GRM5: variants seen among roughly 807,000 people sequenced by gnomAD.
The protein encoded by GRM5 is glutamate metabotropic receptor 5, also known as metabotropic glutamate receptor 5.
In GRM5, 19 loss-of-function variants were observed where a neutral mutation model predicts 83.1. That is an observed-to-expected ratio of 0.23 (90% CI 0.16 to 0.34). The LOEUF (loss-of-function observed/expected upper bound fraction) is 0.34, where lower values mean the gene tolerates loss of function less well. Among genes scored for constraint, GRM5 ranks in the 10% least tolerant of loss-of-function variants. GRM5 has a pLI of 1.00. For missense variants in GRM5, 1,160 were observed against 1,588.3 expected, an observed-to-expected ratio of 0.73 and a Z score of 4.58; for synonymous variants, 675 against 633.6, an observed-to-expected ratio of 1.07 and a Z score of -0.98.
chr11:88,881,970 G>A (rs914206599), intron 2 of GRM5, among the ~76,000 whole-genome samples: 2 of 152,096 alleles, frequency 1.3e-5, no homozygotes, highest in Non-Finnish European at 2.9e-5. Flanking sequence ...TGCTGGGCAC[G>A]TTGGCTCACA....
intron 3 of GRM5, among the ~76,000 whole-genome samples, chr11:88,820,686 G>A (rs1476790176): frequency 6.6e-6 from 1 of 152,142 alleles, no homozygotes; most frequent in Admixed American, 6.5e-5. Flanking sequence ...AGGAAATAAT[G>A]TATACAAAAT....
intron 9 of GRM5, 129 bp downstream of exon 9, chr11:88,525,180 T>C (rs569026842): frequency 1.5e-6 from 1 of 662,718 alleles, no homozygotes; most frequent in African/African-American, 1.8e-5. Flanking sequence ...AGAAAACCAG[T>C]AGTAGCCTGG....
intron 2 of GRM5, among the ~76,000 whole-genome samples, chr11:88,929,669 C>A (rs1424487943): frequency 2.0e-5 from 3 of 151,982 alleles, no homozygotes; most frequent in Non-Finnish European, 4.4e-5. Flanking sequence ...GTCAATGAGA[C>A]CCCCAAATTC....
intron 5 of GRM5, among the ~76,000 whole-genome samples, chr11:88,603,931 A>T (rs1264442011): frequency 1.3e-5 from 2 of 152,146 alleles, no homozygotes; most frequent in African/African-American, 4.8e-5. Context: ...AGACCAAAGG[A>T]CCCTATTGTT....
intron 3 of GRM5, among the ~76,000 whole-genome samples, chr11:88,727,742 C>G (rs996391120): frequency 1.3e-5 from 2 of 152,182 alleles, no homozygotes; most frequent in African/African-American, 4.8e-5. Context: ...CAAAACCACA[C>G]AACTACATGG....
At chr11:88,966,953 T>C (rs1425683396) in intron 2 of GRM5, among the ~76,000 whole-genome samples, 1 of 152,086 alleles carries the variant, frequency 6.6e-6, no homozygotes, top group Admixed American at 6.6e-5. Context: ...TTTTCCACCA[T>C]CTTTCAAAGC....
In GRM5 at chr11:89,025,855, T is replaced by C. The variant is rs1343784561; in HGVS notation, c.661+21357A>G. Among the ~76,000 whole-genome samples, 5 of 152,190 alleles carry C rather than the reference T, an allele frequency of 3.3e-5. No homozygotes were observed. The East Asian group carries it at 7.7e-4, about 23-fold the overall frequency. On this transcript the variant is annotated intron_variant, in intron 2 of 9. Coordinates refer to ENST00000305447, the MANE Select transcript of GRM5 (RefSeq NM_001143831.3). ...GGTTATACAACCAAAGGAATATAAA[T>C]TGTTTTAACATAAAGATACATTCAT...
chr11:88,929,133 A>G (rs1204427856), intron 2 of GRM5, among the ~76,000 whole-genome samples: 1 of 152,054 alleles, frequency 6.6e-6, no homozygotes, highest in African/African-American at 2.4e-5. Flanking sequence ...GTTGCTCAAA[A>G]ATTAGAGCCT....
chr11:88,658,436 T>A (rs553240885), intron 3 of GRM5, among the ~76,000 whole-genome samples: 2 of 152,276 alleles, frequency 1.3e-5, no homozygotes, highest in South Asian at 4.1e-4. Context: ...CAGTGTATAT[T>A]TTGAAGAAAA....
chr11:88,677,328 T>C (rs1320828004), intron 3 of GRM5, among the ~76,000 whole-genome samples: 1 of 152,152 alleles, frequency 6.6e-6, no homozygotes, highest in Admixed American at 6.6e-5. Flanking sequence ...CTTGTCTCTG[T>C]CAACCAGAGT....
chr11:89,061,427 A>G (rs537989027), intron 1 of GRM5, among the ~76,000 whole-genome samples: 4 of 152,346 alleles, frequency 2.6e-5, no homozygotes, highest in African/African-American at 9.6e-5. Flanking sequence ...TAAGACTCCT[A>G]TAAAATATTA....
chr11:89,016,556 T>A (rs1017184510), intron 2 of GRM5, among the ~76,000 whole-genome samples: 2 of 152,170 alleles, frequency 1.3e-5, no homozygotes, highest in African/African-American at 4.8e-5. Flanking sequence ...TGTCTGTTGT[T>A]ATTTAAGTGT....
At chr11:88,915,975 A>T (rs1945583811) in intron 2 of GRM5, among the ~76,000 whole-genome samples, 1 of 152,208 alleles carries the variant, frequency 6.6e-6, no homozygotes, top group Non-Finnish European at 1.5e-5. Flanking sequence ...ATAGTCAAAC[A>T]ATCCTGAAAG....
intron 3 of GRM5, among the ~76,000 whole-genome samples, chr11:88,828,479 A>G (rs1311142695): frequency 6.6e-6 from 1 of 152,164 alleles, no homozygotes; most frequent in African/African-American, 2.4e-5. Context: ...AGGACCCAGG[A>G]TCATGACAGG....
At position 88,567,525 on chromosome 11, in the gene GRM5, T is replaced by C. The variant is rs1259654572; in HGVS notation, c.2158A>G (p.Met720Val). The change falls in exon 8 of 10, where the codon ATG (methionine) becomes GTG (valine). Residue 720 changes from methionine to valine, a missense_variant. Met to Val is a conservative substitution (Grantham distance 21). Coordinates refer to ENST00000305447, the MANE Select transcript of GRM5 (RefSeq NM_001143831.3). The surrounding 1 kb of genome is among the most constrained non-coding windows in gnomAD (Gnocchi z 7.3). ...ALFIMEPPDI[M>V]HDYPSIREVY... ...TCTCGAATGCTTGGGTAGTCATGCA[T>C]TATGTCAGGAGGCTCCATTATAAAG... The C allele has an allele frequency of 2.5e-6, 4 of 1,613,936 alleles. No homozygotes were observed. The highest frequency in any genetic ancestry group is 1.7e-5 in the Admixed American group (1 of 60,012).
chr11:88,558,825 A>AAAG (rs398038280), intron 8 of GRM5, among the ~76,000 whole-genome samples: 1 of 147,182 alleles, frequency 6.8e-6, no homozygotes, highest in African/African-American at 2.6e-5. Flanking sequence ...AAAAAAAAAA[A>AAAG]TACAACAAAC....
chr11:88,800,925 C>G (rs1943381076), intron 3 of GRM5, among the ~76,000 whole-genome samples: 1 of 152,078 alleles, frequency 6.6e-6, no homozygotes, highest in Admixed American at 6.6e-5. Context: ...GGCTTTTAAA[C>G]AGGGTCTAGC....
At chr11:88,988,238 T>G (rs1208391120) in intron 2 of GRM5, among the ~76,000 whole-genome samples, 3 of 151,934 alleles carry the variant, frequency 2.0e-5, no homozygotes, top group Non-Finnish European at 2.9e-5. Flanking sequence ...GCCGATGCAA[T>G]CAACTGGAAG....
chr11:88,817,352 T>TC (rs1184264234), intron 3 of GRM5, among the ~76,000 whole-genome samples: 1 of 152,046 alleles, frequency 6.6e-6, no homozygotes, highest in Non-Finnish European at 1.5e-5. Flanking sequence ...TCTTTTTTTT[T>TC]CTATTGATTA....
Sources: gnomAD v4.1 joint callset for allele counts (sites outside exome capture counted in the v4.1 genomes callset) on GRCh38, gnomAD v4.1.1 for gene constraint, Gnocchi (gnomAD v3.1) non-coding constraint, MANE v1.5 for transcripts, NCBI Gene and HGNC (gene_info 2026-07-23, HGNC 2026-07-21) for gene names.